LRP1B: variants seen among roughly 807,000 people sequenced by gnomAD.
The protein encoded by LRP1B is low-density lipoprotein receptor-related protein 1B.
Under a neutral mutation model 556.6 loss-of-function variants are expected in LRP1B, and 217 were observed. That is an observed-to-expected ratio of 0.39 (90% CI 0.35 to 0.44). LRP1B has a LOEUF of 0.44. LRP1B is among the 20% of genes least tolerant of loss of function. The pLI is 1.00. For missense variants in LRP1B, 5,053 were observed against 5,620.8 expected, an observed-to-expected ratio of 0.90 and a Z score of 3.23; for synonymous variants, 2,047 against 1,865.8, an observed-to-expected ratio of 1.10 and a Z score of -2.50.
At chr2:141,003,771 C>A (rs558342576) in intron 15 of LRP1B, among the ~76,000 whole-genome samples, 1 of 152,022 alleles carries the variant, frequency 6.6e-6, no homozygotes, top group African/African-American at 2.4e-5. Flanking sequence ...GTAATAGTAC[C>A]TTCCTTACAC....
chr2:141,330,959 C>T (rs777282218), intron 3 of LRP1B, among the ~76,000 whole-genome samples: 24 of 151,926 alleles, frequency 1.6e-4, no homozygotes, highest in Non-Finnish European at 2.8e-4. Flanking sequence ...GGAGTTTCAC[C>T]GTGTTAGCCA....
chr2:141,007,990 G>A (rs558190613), intron 14 of LRP1B, among the ~76,000 whole-genome samples: 1 of 151,174 alleles, frequency 6.6e-6, no homozygotes, highest in East Asian at 2.0e-4. Context: ...TCCTCAGAAG[G>A]GCTTAGATCT....
At chr2:141,851,934 A>G (rs1697873038) in intron 1 of LRP1B, among the ~76,000 whole-genome samples, 1 of 151,736 alleles carries the variant, frequency 6.6e-6, no homozygotes, top group South Asian at 2.1e-4. Context: ...AGAATTTGAT[A>G]TAATCTACAA....
intron 2 of LRP1B, among the ~76,000 whole-genome samples, chr2:141,707,871 A>T (rs1172545380): frequency 6.6e-6 from 1 of 152,178 alleles, no homozygotes; most frequent in African/African-American, 2.4e-5. Context: ...CTTGATAGGC[A>T]TTGTTCTAGG....
chr2:142,013,254 G>A (rs1703011359), intron 1 of LRP1B, among the ~76,000 whole-genome samples: 1 of 152,102 alleles, frequency 6.6e-6, no homozygotes, highest in African/African-American at 2.4e-5. Flanking sequence ...GGGATGGGAA[G>A]GGTGTAATGT....
In LRP1B at chr2:140,982,219, G is replaced by A; in HGVS notation, c.2828C>T (p.Ala943Val). Residue 943 changes from alanine (A) to valine (V), a missense_variant, in exon 18 of 91, where the codon GCA becomes GTA. By Grantham distance (64) the Ala-to-Val change is moderately conservative (BLOSUM62 0). Coordinates refer to ENST00000389484, the MANE Select transcript of LRP1B (RefSeq NM_018557.3). ...SCGNGRCIPR[A>V]WLCDREDDCG... The stretch of plus-strand genomic sequence containing the variant: ...GTCGTCTTCCCTGTCACACAGCCAT[G>A]CTCTGGGAATGCAACGCCCATTTCC... 6.2e-7 allele frequency: 1 copy of A among 1,613,364 alleles called. No individual in the cohort carries two copies. Among genetic ancestry groups the A allele is most frequent in the Non-Finnish European group, 8.5e-7 (1 of 1,179,566 alleles).
intron 7 of LRP1B, among the ~76,000 whole-genome samples, chr2:141,130,502 T>C (rs1701323084): frequency 6.6e-6 from 1 of 152,128 alleles, no homozygotes; most frequent in South Asian, 2.1e-4. Flanking sequence ...TTGTTCCATC[T>C]TTTATAGAGC....
At chr2:141,919,261 T>C (rs1700117009) in intron 1 of LRP1B, among the ~76,000 whole-genome samples, 1 of 152,066 alleles carries the variant, frequency 6.6e-6, no homozygotes, top group Admixed American at 6.6e-5. Context: ...TAAACAATAT[T>C]GTTTCAAAAT....
At chr2:141,683,934 GGAAACAACA>G (rs771150611) in intron 2 of LRP1B, among the ~76,000 whole-genome samples, 1 of 151,964 alleles carries the variant, frequency 6.6e-6, no homozygotes, top group Non-Finnish European at 1.5e-5. Flanking sequence ...TAAAAAATCA[GGAAACAACA>G]GATGTTGGAG....
intron 20 of LRP1B, among the ~76,000 whole-genome samples, chr2:140,937,769 G>A (rs1695272583): frequency 6.6e-6 from 1 of 151,990 alleles, no homozygotes. Flanking sequence ...CTGAGATAGG[G>A]TATGATATAG....
intron 31 of LRP1B, among the ~76,000 whole-genome samples, chr2:140,833,549 GT>G (rs1691790911): frequency 6.6e-6 from 1 of 152,090 alleles, no homozygotes; most frequent in African/African-American, 2.4e-5. Flanking sequence ...ATTTATTAAT[GT>G]TTTTGTTGCC....
chr2:141,610,221 G>A (rs1178326139), intron 2 of LRP1B, among the ~76,000 whole-genome samples: 2 of 149,622 alleles, frequency 1.3e-5, no homozygotes, highest in Non-Finnish European at 3.0e-5. Context: ...AATGCTAAAT[G>A]ACGAGTTAAT....
chr2:140,353,416 C>G (rs551054905), intron 75 of LRP1B, among the ~76,000 whole-genome samples: 1 of 151,866 alleles, frequency 6.6e-6, no homozygotes, highest in South Asian at 2.1e-4. Flanking sequence ...GGTTTGCTAC[C>G]TAGATAAACT....
At chr2:140,731,042 T>C (rs1487795575) in intron 35 of LRP1B, among the ~76,000 whole-genome samples, 1 of 152,164 alleles carries the variant, frequency 6.6e-6, no homozygotes, top group Non-Finnish European at 1.5e-5. Context: ...TCATTTCTCA[T>C]CTCTTTACCT....
intron 43 of LRP1B, among the ~76,000 whole-genome samples, chr2:140,590,300 T>G (rs904483834): frequency 6.9e-6 from 1 of 145,642 alleles, no homozygotes; most frequent in Admixed American, 7.0e-5. Flanking sequence ...GCATATATAA[T>G]ATATATTTAT....
At chr2:140,498,594 T>C (rs987954309) in intron 55 of LRP1B, among the ~76,000 whole-genome samples, 1 of 151,806 alleles carries the variant, frequency 6.6e-6, no homozygotes, top group Non-Finnish European at 1.5e-5. Flanking sequence ...AGAGGACGAT[T>C]TCCTGTCATG....
intron 41 of LRP1B, among the ~76,000 whole-genome samples, chr2:140,651,462 C>T (rs566708523): frequency 6.9e-6 from 1 of 145,860 alleles, no homozygotes; most frequent in African/African-American, 2.6e-5. Context: ...TGTAACTAAC[C>T]TGCACATTGT....
At chr2:141,850,890 A>G (rs145453445) in intron 1 of LRP1B, among the ~76,000 whole-genome samples, 404 of 151,858 alleles carry the variant, frequency 2.7e-3, no homozygotes, top group Admixed American at 8.6e-3. Context: ...GGAATCCTAC[A>G]GATGCTGACA....
At chr2:142,129,575 T>TC (rs1707773156) in intron 1 of LRP1B, among the ~76,000 whole-genome samples, 1 of 129,848 alleles carries the variant, frequency 7.7e-6, no homozygotes, top group African/African-American at 2.9e-5. Context: ...TCTGGGTTTC[T>TC]TTCTCTCTTT....
Sources: gnomAD v4.1 joint callset for allele counts (sites outside exome capture counted in the v4.1 genomes callset) on GRCh38, gnomAD v4.1.1 for gene constraint, MANE v1.5 for transcripts, NCBI Gene and HGNC (gene_info 2026-07-23, HGNC 2026-07-21) for gene names.